The following ABCA5 variants were observed in gnomAD, a reference collection of about 807,000 sequenced individuals.
ABCA5 encodes ATP binding cassette subfamily A member 5.
ABCA5 carries 163 observed loss-of-function variants against 206.0 expected under a neutral mutation model. The ratio of observed to expected loss-of-function variants is 0.79; its 90% CI spans 0.70 to 0.90. The LOEUF is 0.90. Ranked by LOEUF, ABCA5 falls within the 40% of genes least tolerant of loss-of-function variation. ABCA5 has a pLI of 0.00. For synonymous variants in ABCA5, 609 were observed against 613.8 expected (o/e 0.99, Z 0.11); for missense variants, 1,859 against 1,912.9 (o/e 0.97, Z 0.53).
intron 8 of ABCA5, among the ~76,000 whole-genome samples, chr17:69,302,266 T>C (rs1344098317): frequency 1.3e-5 from 2 of 152,210 alleles, no homozygotes; most frequent in Non-Finnish European, 2.9e-5. Context: ...GACAATTCCA[T>C]GAAGCCTGGG....
At position 69,298,326 on chromosome 17, in the gene ABCA5, GGA is replaced by G. The variant is rs1421959567; in HGVS notation, c.1268-969_1268-968del. Among the ~76,000 whole-genome samples, 100 of 149,240 alleles carry G rather than the reference GGA, an allele frequency of 6.7e-4. 4 individuals carry two copies. Among genetic ancestry groups the G allele is most frequent in the African/African-American group, 2.4e-3 (97 of 40,876 alleles). On this transcript the variant is annotated intron_variant, in intron 9 of 38. Coordinates refer to ENST00000392676, the MANE Select transcript of ABCA5 (RefSeq NM_172232.4). Reference sequence around the variant, plus strand: ...AAAGAAAGAGAGAGAGAGGAAGGAAGGAAGGAAGGAAGGAAGGAAGGAAAGAA... The same window carrying G: ...AAAGAAAGAGAGAGAGAGGAAGGAAGAGGAAGGAAGGAAGGAAGGAAAGAA...
At chr17:69,277,454 G>A (rs2075345738) in intron 19 of ABCA5, among the ~76,000 whole-genome samples, 187 bp downstream of exon 19, 1 of 152,142 alleles carries the variant, frequency 6.6e-6, no homozygotes, top group East Asian at 1.9e-4. Flanking sequence ...AGTTTAAAAA[G>A]TGTAAGACAG....
intron 37 of ABCA5, chr17:69,249,188 C>A (rs933750236): frequency 6.6e-6 from 1 of 152,074 alleles, no homozygotes; most frequent in Non-Finnish European, 1.5e-5. Context: ...ACATAAAGAA[C>A]AATCATAAAA....
intron 36 of ABCA5, 134 bp downstream of exon 36, chr17:69,250,338 T>A (rs555744731): frequency 3.1e-6 from 2 of 643,636 alleles, no homozygotes; most frequent in South Asian, 6.6e-5. Context: ...AATATACATA[T>A]ATATTCACAC....
At chr17:69,298,045 A>G (rs192228471) in intron 9 of ABCA5, among the ~76,000 whole-genome samples, 20 of 151,938 alleles carry the variant, frequency 1.3e-4, no homozygotes, top group Admixed American at 1.2e-3. Context: ...AATTAGTCAG[A>G]TGCGGTGGTG....
chr17:69,269,425 C>T (rs2075247521), intron 22 of ABCA5, among the ~76,000 whole-genome samples: 1 of 152,156 alleles, frequency 6.6e-6, no homozygotes, highest in Non-Finnish European at 1.5e-5. Flanking sequence ...ATATGAGATA[C>T]CTCTCCACAG....
chr17:69,306,748 C>T lies in ABCA5; in HGVS notation c.765G>A (p.Met255Ile), dbSNP rs1487206693. The change falls in exon 6 of 39, where the codon ATG (methionine) becomes ATA (isoleucine). Residue 255 changes from methionine to isoleucine, a missense_variant. Met to Ile is a conservative substitution (Grantham distance 10). Coordinates refer to ENST00000392676, the MANE Select transcript of ABCA5 (RefSeq NM_172232.4). ...ACCAAAAGGCAGTATCATGAAGTCC[C>T]ATTATCTTTAAAAATTCTTTTATTT... Reference protein sequence around the residue: ...EKKIKEFLKIMGLHDTAFWLS... With the variant: ...EKKIKEFLKIIGLHDTAFWLS... 1.3e-6 allele frequency: 2 copies of T among 1,531,794 alleles called. No individual in the cohort carries two copies. Among genetic ancestry groups the T allele is most frequent in the African/African-American group, 1.4e-5 (1 of 71,188 alleles). 94.9% of individuals were successfully genotyped at this position (1,531,794 alleles called of 1,614,324 possible). A position where few individuals can be genotyped will look rare whatever the true frequency, so the allele number is the denominator to read the frequency against.
Position 69,253,885 on chromosome 17 carries a change from T to A in ABCA5, c.4245-16A>T. On this transcript the variant is annotated splice_polypyrimidine_tract_variant and intron_variant, in intron 32 of 38. Coordinates refer to ENST00000392676, the MANE Select transcript of ABCA5 (RefSeq NM_172232.4). ...ATGTGTTATTCTGCAAAATGAACAA[T>A]ACAAAATGAGAATACCATGATATAT... is the stretch of plus-strand genomic sequence containing the variant. 6.3e-7 allele frequency: 1 copy of A among 1,590,960 alleles called. No homozygotes were observed. The highest frequency in any genetic ancestry group is 2.2e-5 in the East Asian group (1 of 44,688).
rs753004266 is a variant in ABCA5, at chr17:69,268,043, A to C, written c.3044T>G (p.Ile1015Arg). Residue 1015 changes from isoleucine (I) to arginine (R), a missense_variant, in exon 23 of 39, where the codon ATA becomes AGA. Transcript: ENST00000392676. The part of the protein sequence containing the change: ...STPFFQEITD[I>R]VFKIELYFQA... ...AAAATACAGCTCAATTTTAAAAACT[A>C]TATCAGTAATTTCCTGAAAGACAAC... is the stretch of plus-strand genomic sequence containing the variant. 1.3e-6 allele frequency: 2 copies of C among 1,569,112 alleles called. No individual in the cohort carries two copies. Among genetic ancestry groups the C allele is most frequent in the Non-Finnish European group, 1.8e-6 (2 of 1,140,486 alleles).
chr17:69,325,391 G>C (rs1325709494), intron 1 of ABCA5, among the ~76,000 whole-genome samples: 1 of 151,836 alleles, frequency 6.6e-6, no homozygotes, highest in Non-Finnish European at 1.5e-5. Context: ...AAATAACAAT[G>C]CAATGGTACA....
chr17:69,305,437 C>T (rs914399064), intron 6 of ABCA5, among the ~76,000 whole-genome samples: 1 of 152,136 alleles, frequency 6.6e-6, no homozygotes, highest in Non-Finnish European at 1.5e-5. Context: ...TGAGTTAAGG[C>T]TAAAAAGGTA....
At position 69,314,339 on chromosome 17, in the gene ABCA5, C is replaced by A; in HGVS notation, c.77G>T (p.Cys26Phe). 6.2e-7 allele frequency: 1 copy of A among 1,612,884 alleles called. No homozygotes were observed. Among genetic ancestry groups the A allele is most frequent in the Non-Finnish European group, 8.5e-7 (1 of 1,179,278 alleles). The change falls in exon 2 of 39, where the codon TGC becomes TTC. Residue 26 changes from cysteine to phenylalanine, a missense_variant. Transcript: ENST00000392676. ...CTGAACACTACTCTTTTTGGTTCTG[C>A]ATTTAATTAAGTAATTCTTCAGTAG... ...TLLLKNYLIK[C>F]RTKKSSVQEI...
intron 3 of ABCA5, among the ~76,000 whole-genome samples, chr17:69,312,405 A>C (rs2075778834): frequency 6.6e-6 from 1 of 152,156 alleles, no homozygotes; most frequent in African/African-American, 2.4e-5. Context: ...TCTACAAAAA[A>C]TATATATATA....
At chr17:69,260,980 T>C (rs1363715632) in intron 26 of ABCA5, 145 bp downstream of exon 26, 2 of 641,582 alleles carry the variant, frequency 3.1e-6, no homozygotes, top group African/African-American at 3.8e-5. Context: ...CTCACAATAA[T>C]TTATGCTGCA....
Position 69,254,444 on chromosome 17 carries a change from G to C in ABCA5, c.4115C>G (p.Ser1372Ter). The change falls in exon 32 of 39, where the codon TCA (serine) becomes TGA (stop). Residue 1372 changes from serine (S) to a stop codon, truncating the protein, a stop_gained. Transcript: ENST00000392676. LOFTEE classifies it high-confidence loss of function. ...AGGACAGTAACCCATACACTTCAGTGAATCATCATCTTCACTTGTCTCTGA... is the reference window on the plus strand; with the variant it reads ...AGGACAGTAACCCATACACTTCAGTCAATCATCATCTTCACTTGTCTCTGA... ...YSSETSEDDD[S>*]LKCMGYCPQI... 1 of 1,613,054 alleles carries C rather than the reference G, an allele frequency of 6.2e-7. No individual in the cohort carries two copies. Among genetic ancestry groups the C allele is most frequent in the Non-Finnish European group, 8.5e-7 (1 of 1,179,572 alleles).
At position 69,326,995 on chromosome 17, in the gene ABCA5, G is replaced by T; in HGVS notation, c.-16+57C>A. 1 of 155,908 alleles carries T rather than the reference G, an allele frequency of 6.4e-6. No individual in the cohort carries two copies. The highest frequency in any genetic ancestry group is 1.9e-4 in the South Asian group (1 of 5,310). The allele number at this position is 155,908 out of a possible 1,614,324, so 9.7% of individuals were successfully genotyped here. ...CTCCTCGTCCCCTCAACTCCCCCAG[G>T]GACGGCTGTCCCAGGCTAGCCTCAA... On this transcript the variant is annotated intron_variant, in intron 1 of 38. Coordinates refer to ENST00000392676, the MANE Select transcript of ABCA5 (RefSeq NM_172232.4). This position sits in a 1 kb window ranked among gnomAD's most constrained non-coding sequence, Gnocchi z 4.8.
chr17:69,289,321 G>T, intron 13 of ABCA5, 25 bp from the exon 14 acceptor site: 1 of 1,478,134 alleles, frequency 6.8e-7, no homozygotes, highest in South Asian at 1.5e-5. Flanking sequence ...CATGAACAAT[G>T]TTATTTTAAA....
chr17:69,266,237 T>C (rs976802923), intron 23 of ABCA5, among the ~76,000 whole-genome samples: 7 of 152,062 alleles, frequency 4.6e-5, no homozygotes, highest in African/African-American at 1.4e-4. Flanking sequence ...GAGAACAGAG[T>C]AGTGGTTGCC....
At position 69,298,237 on chromosome 17, in the gene ABCA5, A is replaced by AGGAAGGT. The variant is rs2075606683; in HGVS notation, c.1268-879_1268-878insACCTTCC. 3.9e-3 allele frequency among the ~76,000 whole-genome samples: 147 copies of AGGAAGGT among 37,884 alleles called. 1 individual carries two copies. The highest frequency in any genetic ancestry group is 7.2e-3 in the African/African-American group (81 of 11,200). The allele number at this position is 37,884 out of a possible 152,430, so 24.9% of individuals were successfully genotyped here. A position where few individuals can be genotyped will look rare whatever the true frequency, so the allele number is the denominator to read the frequency against. ...GAAGGAAGGAAGGTAGGTAGGAAGG[A>AGGAAGGT]AGGAAGGAAGGAAGGAAGGAAGGAA... On this transcript the variant is annotated intron_variant, in intron 9 of 38. Coordinates refer to ENST00000392676, the MANE Select transcript of ABCA5 (RefSeq NM_172232.4).
Sources: gnomAD v4.1 joint callset for allele counts (sites outside exome capture counted in the v4.1 genomes callset) on GRCh38, gnomAD v4.1.1 for gene constraint, Gnocchi (gnomAD v3.1) non-coding constraint, MANE v1.5 for transcripts, NCBI Gene and HGNC (gene_info 2026-07-23, HGNC 2026-07-21) for gene names.